The following CXCL12 variants were observed in gnomAD, a reference collection of about 807,000 sequenced individuals.
CXCL12 encodes the protein C-X-C motif chemokine ligand 12, also known as stromal cell-derived factor 1.
Under a neutral mutation model 10.7 loss-of-function variants are expected in CXCL12, and 4 were observed. The observed-to-expected ratio is 0.37, with a 90% CI of 0.18 to 0.86. CXCL12 has a LOEUF of 0.86. Among genes scored for constraint, CXCL12 ranks in the 40% least tolerant of loss-of-function variants. The pLI is 0.43. For synonymous variants in CXCL12, 54 were observed against 45.4 expected (o/e 1.19, Z -0.77); for missense variants, 122 against 110.4 (o/e 1.10, Z -0.47).
In CXCL12 at chr10:44,378,668, T is replaced by C. The variant is rs761253405; in HGVS notation, c.235A>G (p.Ile79Val). 1.9e-6 allele frequency: 3 copies of C among 1,614,234 alleles called. No homozygotes were observed. Among genetic ancestry groups the C allele is most frequent in the Non-Finnish European group, 2.5e-6 (3 of 1,180,044 alleles). The change falls in exon 3 of 3, where the codon ATT becomes GTT. Residue 79 changes from isoleucine to valine, a missense_variant. Ile to Val is a conservative substitution (Grantham distance 29). Coordinates refer to ENST00000343575, the MANE Select transcript of CXCL12 (RefSeq NM_199168.4). ...AAAGCTTTCTCCAGGTACTCCTGAA[T>C]CCACTTTAGCTTCGGGTCAATGCAC... ...QVCIDPKLKW[I>V]QEYLEKALNK is the part of the protein sequence containing the mutation.
At chr10:44,380,700 G>A in intron 2 of CXCL12, 63 bp downstream of exon 2, 12 of 1,366,466 alleles carry the variant, frequency 8.8e-6, no homozygotes, top group Non-Finnish European at 1.3e-5. Flanking sequence ...ACTCGGGTTA[G>A]ATGTTACTAT....
chr10:44,380,984 GC>G (rs1187701754), intron 1 of CXCL12, 104 bp from the exon 2 acceptor site: 8 of 907,600 alleles, frequency 8.8e-6, no homozygotes, highest in African/African-American at 1.6e-5. Flanking sequence ...TCAAGAGACG[GC>G]ATCACTGGGG....
Position 44,377,174 on chromosome 10 carries a change from G to A in CXCL12, c.*1459C>T. 1 of 986,888 alleles carries A rather than the reference G, an allele frequency of 1.0e-6. No homozygotes were observed. The highest frequency in any genetic ancestry group is 4.7e-5 in the South Asian group (1 of 21,396). The allele number at this position is 986,888 out of a possible 1,614,324, so 61.1% of individuals were successfully genotyped here. On this transcript the variant is annotated 3_prime_UTR_variant, in exon 3 of 3. Transcript: ENST00000343575. ...GCATTTTATTGCTAGTGCATATAATGTCACATTTGATACAATTTTAGTACA... is the reference window on the plus strand; with the variant it reads ...GCATTTTATTGCTAGTGCATATAATATCACATTTGATACAATTTTAGTACA...
downstream of CXCL12, chr10:44,371,561 T>A (rs1186137527): frequency 1.1e-5 from 2 of 177,094 alleles, no homozygotes; most frequent in African/African-American, 4.8e-5. Flanking sequence ...TAATTTTTGT[T>A]TAAGGGACAA....
downstream of CXCL12, among the ~76,000 whole-genome samples, chr10:44,375,084 C>T (rs1183893160): frequency 6.6e-6 from 1 of 152,146 alleles, no homozygotes; most frequent in Non-Finnish European, 1.5e-5. Flanking sequence ...ACGCAGGAGG[C>T]GGGAGGGGAC....
intron 1 of CXCL12, 116 bp downstream of exon 1, chr10:44,384,829 C>A: frequency 9.9e-7 from 1 of 1,011,770 alleles, no homozygotes; most frequent in Non-Finnish European, 1.4e-6. Context: ...GCTGCCTCCA[C>A]CCCCACTGTG....
Position 44,377,826 on chromosome 10 carries a change from GGCAGGCCCTGGGAGGAGAGGGAT to G in CXCL12, c.*784_*806del. 1 of 1,596,288 alleles carries G rather than the reference GGCAGGCCCTGGGAGGAGAGGGAT, an allele frequency of 6.3e-7. No individual in the cohort carries two copies. The highest frequency in any genetic ancestry group is 8.5e-7 in the Non-Finnish European group (1 of 1,178,970). ...ATCTCACAGAGGGCCCGAGCTGTGG[GGCAGGCCCTGGGAGGAGAGGGAT>G]GCAGGGCACGAGCCCCAGCAATCAC... On this transcript the variant is annotated 3_prime_UTR_variant, in exon 3 of 3. Transcript: ENST00000343575.
chr10:44,382,312 A>C (rs1839655831), intron 1 of CXCL12, among the ~76,000 whole-genome samples: 1 of 152,216 alleles, frequency 6.6e-6, no homozygotes, highest in Non-Finnish European at 1.5e-5. Context: ...CACTGTAACC[A>C]GATCACCTGG....
At chr10:44,382,302 CA>C (rs1333380684) in intron 1 of CXCL12, among the ~76,000 whole-genome samples, 1 of 152,210 alleles carries the variant, frequency 6.6e-6, no homozygotes, top group Non-Finnish European at 1.5e-5. Flanking sequence ...GTCAGCACTG[CA>C]CTGTAACCAG....
intron 1 of CXCL12, among the ~76,000 whole-genome samples, chr10:44,381,917 G>C (rs1481413870): frequency 1.3e-5 from 2 of 151,980 alleles, no homozygotes; most frequent in East Asian, 3.8e-4. Context: ...AGTTCTGAGA[G>C]ACCTCTGTGG....
Position 44,378,621 on chromosome 10 carries a change from T to G in CXCL12, c.*12A>C, listed in dbSNP as rs748185279. 6.2e-7 allele frequency: 1 copy of G among 1,614,036 alleles called. No homozygotes were observed. Among genetic ancestry groups the G allele is most frequent in the African/African-American group, 1.3e-5 (1 of 74,938 alleles). The stretch of plus-strand genomic sequence containing the variant: ...AGTGGGTCTAGCGGAAAGTCCTTTT[T>G]GGCTGTTGTGCTTACTTGTTTAAAG... On this transcript the variant is annotated 3_prime_UTR_variant, in exon 3 of 3. Coordinates refer to ENST00000343575, the MANE Select transcript of CXCL12 (RefSeq NM_199168.4).
At position 44,378,089 on chromosome 10, in the gene CXCL12, CG is replaced by C; in HGVS notation, c.*543del. The C allele has an allele frequency of 6.9e-7, 1 of 1,451,756 alleles. No homozygotes were observed. The highest frequency in any genetic ancestry group is 1.5e-5 in the South Asian group (1 of 68,834). 89.9% of individuals were successfully genotyped at this position (1,451,756 alleles called of 1,614,324 possible). A position where few individuals can be genotyped will look rare whatever the true frequency, so the allele number is the denominator to read the frequency against. On this transcript the variant is annotated 3_prime_UTR_variant, in exon 3 of 3. Transcript: ENST00000343575. ...GGCAGTGGCGGCGCCCAGCCCCAGT[CG>C]GTATCTGAGTGCCACAGAGGCCTTC...
downstream of CXCL12, chr10:44,372,641 A>G: frequency 7.3e-7 from 1 of 1,362,464 alleles, no homozygotes; most frequent in Non-Finnish European, 9.4e-7. Flanking sequence ...TTGCAGGGCC[A>G]TGGAGACAGT....
At chr10:44,373,166 G>A, downstream of CXCL12, 3 of 1,538,718 alleles carry the variant, frequency 1.9e-6, no homozygotes, top group Non-Finnish European at 2.6e-6. Context: ...CATGTATTTT[G>A]CTACATAATC....
intron 2 of CXCL12, chr10:44,380,276 T>C (rs1304347222): frequency 6.3e-6 from 1 of 159,560 alleles, no homozygotes; most frequent in African/African-American, 2.4e-5. Context: ...CCTCATATGT[T>C]GTACTTGAGA....
downstream of CXCL12, chr10:44,375,785 C>T: frequency 7.0e-7 from 1 of 1,418,916 alleles, no homozygotes; most frequent in Non-Finnish European, 9.4e-7. Flanking sequence ...AATACAGAAG[C>T]CGGTGTGGCT....
chr10:44,384,068 G>C (rs765385569), intron 1 of CXCL12, among the ~76,000 whole-genome samples: 1 of 152,218 alleles, frequency 6.6e-6, no homozygotes, highest in East Asian at 1.9e-4. Flanking sequence ...CAGTGAAACG[G>C]GACACCACGG....
At chr10:44,382,746 C>T (rs915194238) in intron 1 of CXCL12, among the ~76,000 whole-genome samples, 4 of 152,158 alleles carry the variant, frequency 2.6e-5, no homozygotes, top group Admixed American at 6.5e-5. Flanking sequence ...GCTTCTACTC[C>T]CAGGACCTAA....
At chr10:44,379,373 A>G (rs4948878) in intron 2 of CXCL12, among the ~76,000 whole-genome samples, 5,584 of 152,194 alleles carry the variant, frequency 0.037, 117 homozygotes, top group East Asian at 0.056. Context: ...TTGTTTTTTA[A>G]AAGTTCACAC....
Sources: gnomAD v4.1 joint callset for allele counts (sites outside exome capture counted in the v4.1 genomes callset) on GRCh38, gnomAD v4.1.1 for gene constraint, MANE v1.5 for transcripts, NCBI Gene and HGNC (gene_info 2026-07-23, HGNC 2026-07-21) for gene names.